OXR1: variants seen among roughly 807,000 people sequenced by gnomAD.
OXR1 encodes oxidation resistance protein 1.
Under a neutral mutation model 104.6 loss-of-function variants are expected in OXR1, and 41 were observed. That is an observed-to-expected ratio of 0.39 (90% CI 0.31 to 0.51). OXR1 has a LOEUF of 0.51. Among genes scored for constraint, OXR1 ranks in the 20% least tolerant of loss-of-function variants. The pLI is 0.77. For missense variants in OXR1, 955 were observed against 1,031.9 expected, an observed-to-expected ratio of 0.93 and a Z score of 1.02; for synonymous variants, 348 against 348.4, an observed-to-expected ratio of 1.00 and a Z score of 0.01.
intron 7 of OXR1, among the ~76,000 whole-genome samples, chr8:106,695,640 G>A (rs1485495852): frequency 3.9e-5 from 6 of 151,904 alleles, no homozygotes; most frequent in East Asian, 1.9e-4. Context: ...GGCTGGTCTC[G>A]AACTGCTGAC....
chr8:106,749,817 A>G (rs1370404466), intron 16 of OXR1, among the ~76,000 whole-genome samples: 1 of 152,188 alleles, frequency 6.6e-6, no homozygotes, highest in Non-Finnish European at 1.5e-5. Flanking sequence ...TCTAGAGAAT[A>G]GAAAGAAGTC....
At chr8:106,329,037 G>A (rs890950357) in intron 1 of OXR1, among the ~76,000 whole-genome samples, 4 of 152,008 alleles carry the variant, frequency 2.6e-5, no homozygotes, top group African/African-American at 9.7e-5. Flanking sequence ...TGTTGCCCAG[G>A]CTGGAGTGCA....
intron 3 of OXR1, among the ~76,000 whole-genome samples, chr8:106,653,207 C>T (rs1192275344): frequency 6.6e-6 from 1 of 151,376 alleles, no homozygotes; most frequent in Non-Finnish European, 1.5e-5. Flanking sequence ...AGTAACAATC[C>T]TTCAGAAACT....
intron 2 of OXR1, among the ~76,000 whole-genome samples, chr8:106,460,267 C>A (rs1481233758): frequency 6.6e-6 from 1 of 152,194 alleles, no homozygotes; most frequent in Non-Finnish European, 1.5e-5. Context: ...ACTTACATTA[C>A]ACCATCGGAG....
At chr8:106,638,108 A>C (rs1381580719) in intron 3 of OXR1, among the ~76,000 whole-genome samples, 1 of 152,030 alleles carries the variant, frequency 6.6e-6, no homozygotes, top group Non-Finnish European at 1.5e-5. Flanking sequence ...TAAGGGCAGG[A>C]TATCCATAGT....
intron 15 of OXR1, among the ~76,000 whole-genome samples, chr8:106,742,840 A>C: frequency 6.6e-6 from 1 of 152,206 alleles, no homozygotes; most frequent in Non-Finnish European, 1.5e-5. Flanking sequence ...AAAATTATAA[A>C]AACCCTAGAA....
chr8:106,399,280 A>G (rs150413297), intron 2 of OXR1, among the ~76,000 whole-genome samples: 13 of 152,296 alleles, frequency 8.5e-5, no homozygotes, highest in African/African-American at 2.9e-4. Context: ...GAAATATAAA[A>G]TACTCTATTT....
chr8:106,694,415 A>T lies in OXR1; in HGVS notation c.675+1538A>T, dbSNP rs561666954. Among the ~76,000 whole-genome samples, 334 of 137,876 alleles carry T rather than the reference A, an allele frequency of 2.4e-3. 1 individual carries two copies. Among genetic ancestry groups the T allele is most frequent in the Middle Eastern group, 4.0e-3 (1 of 248 alleles). 90.5% of individuals were successfully genotyped at this position (137,876 alleles called of 152,430 possible). A position where few individuals can be genotyped will look rare whatever the true frequency, so the allele number is the denominator to read the frequency against. Reference sequence around the variant, plus strand: ...ACATTATATATTTATATATATATTTATATATATATTTAATATATATAAATA... The same window carrying T: ...ACATTATATATTTATATATATATTTTTATATATATTTAATATATATAAATA... On this transcript the variant is annotated intron_variant, in intron 7 of 16. Transcript: ENST00000517566.
At chr8:106,557,598 T>A (rs913355645) in intron 3 of OXR1, among the ~76,000 whole-genome samples, 1 of 152,072 alleles carries the variant, frequency 6.6e-6, no homozygotes, top group Non-Finnish European at 1.5e-5. Flanking sequence ...GCAACTCAAT[T>A]TTTTTTTCCT....
At chr8:106,549,362 A>G (rs557239544) in intron 3 of OXR1, among the ~76,000 whole-genome samples, 11 of 152,200 alleles carry the variant, frequency 7.2e-5, no homozygotes, top group East Asian at 1.9e-4. Flanking sequence ...GAGACTAGAC[A>G]TATAGGAAAT....
chr8:106,485,422 CACTT>C (rs956569148), intron 2 of OXR1, among the ~76,000 whole-genome samples: 9 of 152,066 alleles, frequency 5.9e-5, no homozygotes, highest in Non-Finnish European at 1.2e-4. Context: ...AGCCATGCCT[CACTT>C]AGTTTTTGTT....
chr8:106,590,342 C>T (rs1818981158), intron 3 of OXR1, among the ~76,000 whole-genome samples: 1 of 152,188 alleles, frequency 6.6e-6, no homozygotes, highest in Non-Finnish European at 1.5e-5. Context: ...GGCTGGAATG[C>T]ACTGGCACGA....
chr8:106,314,051 T>C (rs1317573699), intron 1 of OXR1, among the ~76,000 whole-genome samples: 3 of 152,178 alleles, frequency 2.0e-5, no homozygotes, highest in Non-Finnish European at 4.4e-5. Context: ...ATCATACACA[T>C]TCAGAGAATT....
intron 1 of OXR1, among the ~76,000 whole-genome samples, chr8:106,302,962 C>T (rs1813310675): frequency 6.6e-6 from 1 of 151,744 alleles, no homozygotes; most frequent in South Asian, 2.1e-4. Flanking sequence ...ACCGTGTTAG[C>T]CAGGATGGTC....
At position 106,618,197 on chromosome 8, in the gene OXR1, C is replaced by T. The variant is rs138707006; in HGVS notation, c.221-61013C>T. 2.5e-4 allele frequency: 390 copies of T among 1,530,232 alleles called. 2 individuals carry two copies. The East Asian group carries it at 6.4e-3, about 25-fold the overall frequency. 94.8% of individuals were successfully genotyped at this position (1,530,232 alleles called of 1,614,324 possible). On this transcript the variant is annotated intron_variant, in intron 3 of 16. Coordinates refer to ENST00000517566, the MANE Select transcript of OXR1 (RefSeq NM_001198533.2). ...GCCAGCGCAAAGGTATGTGTAAGTG[C>T]TCTCTTAGTGGCTTTAAATAAGTTA... is the stretch of plus-strand genomic sequence containing the variant.
chr8:106,382,505 C>G (rs1170037280), intron 2 of OXR1, among the ~76,000 whole-genome samples: 1 of 152,038 alleles, frequency 6.6e-6, no homozygotes, highest in Non-Finnish European at 1.5e-5. Flanking sequence ...GTGGAGCTGT[C>G]CCAGTCACAG....
chr8:106,744,679 CTAAA>C (rs1835228781), intron 15 of OXR1, among the ~76,000 whole-genome samples: 5 of 152,224 alleles, frequency 3.3e-5, no homozygotes, highest in Admixed American at 3.3e-4. Flanking sequence ...CCAATAAAAT[CTAAA>C]ATGTAAAGGT....
intron 2 of OXR1, among the ~76,000 whole-genome samples, chr8:106,388,757 A>G (rs1182301427): frequency 6.6e-6 from 1 of 152,156 alleles, no homozygotes; most frequent in Non-Finnish European, 1.5e-5. Flanking sequence ...ATAGCACAGG[A>G]CCTAAGAAAT....
intron 3 of OXR1, among the ~76,000 whole-genome samples, chr8:106,548,621 T>C (rs1815560611): frequency 6.6e-6 from 1 of 152,220 alleles, no homozygotes; most frequent in African/African-American, 2.4e-5. Context: ...GTTTACACTC[T>C]CTTGCTCAAC....
Sources: allele counts gnomAD v4.1 joint callset (sites outside exome capture counted in the v4.1 genomes callset), GRCh38; gene constraint gnomAD v4.1.1; transcripts MANE v1.5; gene names NCBI Gene and HGNC (gene_info 2026-07-23, HGNC 2026-07-21).